The following NDRG1 variants were observed in gnomAD, a reference collection of about 807,000 sequenced individuals.
NDRG1 encodes N-myc downstream regulated 1.
In NDRG1, 32 loss-of-function variants were observed where a neutral mutation model predicts 56.9. That is an observed-to-expected ratio of 0.56 (90% CI 0.42 to 0.76). The LOEUF (loss-of-function observed/expected upper bound fraction) is 0.76. Among genes scored for constraint, NDRG1 ranks in the 30% least tolerant of loss-of-function variants. The pLI is 0.00. For missense variants in NDRG1, 507 were observed against 545.7 expected (o/e 0.93, Z 0.71); for synonymous variants, 211 against 204.1 (o/e 1.03, Z -0.29).
intron 2 of NDRG1, among the ~76,000 whole-genome samples, chr8:133,281,370 A>AAT (rs1857791831): frequency 6.6e-6 from 1 of 152,022 alleles, no homozygotes; most frequent in Non-Finnish European, 1.5e-5. Context: ...AAAAAAAAAA[A>AAT]AAAAATCTGA....
At chr8:133,242,825 CAAAT>C in intron 14 of NDRG1, among the ~76,000 whole-genome samples, 1 of 151,952 alleles carries the variant, frequency 6.6e-6, no homozygotes, top group Non-Finnish European at 1.5e-5. Context: ...AAAAGAAGGA[CAAAT>C]AAAAGGAAGA....
intron 3 of NDRG1, among the ~76,000 whole-genome samples, chr8:133,273,806 C>G (rs929035891): frequency 1.3e-5 from 2 of 152,194 alleles, no homozygotes; most frequent in Non-Finnish European, 2.9e-5. Context: ...TTCCCTCCCC[C>G]AGGTGGCCTT....
chr8:133,284,842 C>A (rs144905155), intron 1 of NDRG1: 4 of 456,790 alleles, frequency 8.8e-6, no homozygotes, highest in Middle Eastern at 3.2e-4. Context: ...CACAGGCACA[C>A]GCATGCGCGT....
chr8:133,264,474 C>T (rs970131385), intron 4 of NDRG1, 73 bp downstream of exon 4: 1 of 1,365,670 alleles, frequency 7.3e-7, no homozygotes, highest in South Asian at 1.2e-5. Context: ...GGCCATCAGC[C>T]CTTCTCGGCT....
intron 10 of NDRG1, among the ~76,000 whole-genome samples, chr8:133,249,988 G>A (rs1019083429): frequency 6.6e-6 from 1 of 152,138 alleles, no homozygotes; most frequent in African/African-American, 2.4e-5. Flanking sequence ...CTGGTTGAGA[G>A]GGCCACGCCT....
rs16904872 is a variant in NDRG1, at chr8:133,247,624, C to T, written c.807+251G>A. On this transcript the variant is annotated intron_variant, in intron 12 of 15. Transcript: ENST00000323851. Reference sequence around the variant, plus strand: ...GGCAAACATGCCCATATAAACAAGCCGATGGGACACAGACTGGCGGGTGAG... The same window carrying T: ...GGCAAACATGCCCATATAAACAAGCTGATGGGACACAGACTGGCGGGTGAG... Among the ~76,000 whole-genome samples, 529 of 152,336 alleles carry T rather than the reference C, an allele frequency of 3.5e-3. 3 individuals carry two copies. Among genetic ancestry groups the T allele is most frequent in the African/African-American group, 0.012 (502 of 41,578 alleles).
intron 5 of NDRG1, 29 bp from the exon 6 acceptor site, chr8:133,259,259 G>T: frequency 1.9e-6 from 3 of 1,609,382 alleles, no homozygotes; most frequent in Middle Eastern, 3.3e-4. Context: ...AGCCATTAGT[G>T]AGCGCCCGGA....
intron 3 of NDRG1, among the ~76,000 whole-genome samples, chr8:133,270,736 G>T (rs1233958152): frequency 1.3e-5 from 2 of 152,306 alleles, no homozygotes; most frequent in South Asian, 4.1e-4. Context: ...CATAGCTGGG[G>T]TGTTAGCTTT....
chr8:133,246,807 TC>T, intron 12 of NDRG1, 144 bp from the exon 13 acceptor site: 1 of 788,282 alleles, frequency 1.3e-6, no homozygotes, highest in Admixed American at 2.1e-5. Context: ...TTATTGGGAT[TC>T]AGCAGATGTG....
At chr8:133,284,639 C>T (rs1226522669) in intron 1 of NDRG1, 1 of 468,754 alleles carries the variant, frequency 2.1e-6, no homozygotes, top group African/African-American at 2.0e-5. Context: ...TCAGGCCCAC[C>T]CACCATACCC....
chr8:133,248,808 C>T, intron 10 of NDRG1, 37 bp from the exon 11 acceptor site: 1 of 1,613,322 alleles, frequency 6.2e-7, no homozygotes, highest in Non-Finnish European at 8.5e-7. Context: ...ATGAGGACCC[C>T]TCCCCTGGAG....
chr8:133,241,030 C>A (rs1554747967), intron 15 of NDRG1: 1 of 152,242 alleles, frequency 6.6e-6, no homozygotes, highest in Non-Finnish European at 1.5e-5. Context: ...GCCAGCCTCG[C>A]CTTGCTAGAG....
At chr8:133,255,420 G>A (rs1349569336) in intron 8 of NDRG1, 1 of 456,242 alleles carries the variant, frequency 2.2e-6, no homozygotes, top group Non-Finnish European at 4.4e-6. Flanking sequence ...AAAAAGAAGG[G>A]AATAGTACAG....
In NDRG1 at chr8:133,256,657, G is replaced by A. The variant is rs2233332; in HGVS notation, c.537+120C>T. 4.5e-3 allele frequency: 4,027 copies of A among 885,190 alleles called. 105 individuals are homozygous for A. In the African/African-American group the frequency reaches 0.059, roughly 13 times the overall value. The allele number at this position is 885,190 out of a possible 1,614,324, so 54.8% of individuals were successfully genotyped here. A position where few individuals can be genotyped will look rare whatever the true frequency, so the allele number is the denominator to read the frequency against. On this transcript the variant is annotated intron_variant, in intron 8 of 15. Transcript: ENST00000323851. Reference sequence around the variant, plus strand: ...GAGGGAACTGGAGTGGGCAGTAGAGGGTAGTGGAGGAGTGGGTAAAGAGAG... The same window carrying A: ...GAGGGAACTGGAGTGGGCAGTAGAGAGTAGTGGAGGAGTGGGTAAAGAGAG...
intron 14 of NDRG1, 95 bp from the exon 15 acceptor site, chr8:133,242,169 G>C: frequency 1.5e-6 from 2 of 1,301,998 alleles, no homozygotes; most frequent in Non-Finnish European, 2.2e-6. Flanking sequence ...CTTCATTTGA[G>C]AGTTTGGCTC....
rs199590008 is a variant in NDRG1 at position 133,241,990 on chromosome 8, C to T, written c.943+33G>A. On this transcript the variant is annotated intron_variant, in intron 15 of 15. Transcript: ENST00000323851. ...GCACTTCCAATTCCGACACATGCCC[C>T]GACCCACTGCACACGGGGAATGCCA... is the stretch of plus-strand genomic sequence containing the variant. 360 of 1,613,492 alleles carry T rather than the reference C, an allele frequency of 2.2e-4. No individual in the cohort carries two copies. The South Asian group carries it at 3.4e-3, about 15-fold the overall frequency.
intron 5 of NDRG1, among the ~76,000 whole-genome samples, chr8:133,261,815 G>A (rs1323277474): frequency 1.3e-5 from 2 of 152,142 alleles, no homozygotes; most frequent in South Asian, 2.1e-4. Flanking sequence ...TGGTGGTGAC[G>A]GCTGCACAAC....
chr8:133,249,930 C>T (rs1362555598), intron 10 of NDRG1, among the ~76,000 whole-genome samples: 2 of 152,212 alleles, frequency 1.3e-5, no homozygotes, highest in Non-Finnish European at 2.9e-5. Context: ...ACACCAATGG[C>T]CCTGAGCTGT....
chr8:133,253,317 C>T (rs555986909), intron 9 of NDRG1, among the ~76,000 whole-genome samples: 1 of 152,330 alleles, frequency 6.6e-6, no homozygotes, highest in African/African-American at 2.4e-5. Flanking sequence ...GCACAGGCAG[C>T]CGCCATCCTG....
Sources: gnomAD v4.1 joint callset for allele counts (sites outside exome capture counted in the v4.1 genomes callset) on GRCh38, gnomAD v4.1.1 for gene constraint, MANE v1.5 for transcripts, NCBI Gene and HGNC (gene_info 2026-07-23, HGNC 2026-07-21) for gene names.